AP3D1: variants seen among roughly 807,000 people sequenced by gnomAD.
The protein encoded by AP3D1 is AP-3 complex subunit delta-1.
In AP3D1, 51 loss-of-function variants were observed where a neutral mutation model predicts 147.6. The ratio of observed to expected loss-of-function variants is 0.35; its 90% CI spans 0.28 to 0.44. AP3D1 has a LOEUF of 0.44. Ranked by LOEUF, AP3D1 falls within the 20% of genes least tolerant of loss-of-function variation. The probability of loss-of-function intolerance (pLI) is 1.00; values close to 1 mark genes in which losing one functional copy is unlikely to be tolerated. For synonymous variants in AP3D1, 760 were observed against 663.0 expected (o/e 1.15, Z -2.25); for missense variants, 1,421 against 1,624.2 (o/e 0.87, Z 2.15).
At position 2,115,227 on chromosome 19, in the gene AP3D1, T is replaced by C. The variant is rs778526453; in HGVS notation, c.2341A>G (p.Met781Val). The change falls in exon 20 of 32, where the codon ATG (methionine) becomes GTG (valine). Residue 781 changes from methionine (M) to valine (V), a missense_variant. Physicochemically the swap from Met to Val is conservative, Grantham distance 21. Coordinates refer to ENST00000643116, the MANE Select transcript of AP3D1 (RefSeq NM_001261826.3). The part of the protein sequence containing the change: ...AQQVDIVTEE[M>V]PENALPSDED... ...CCTCCAGCGAGGCTGACCTCAGGCATCTCCTCTGTGACGATGTCCACCTGC... is the reference window on the plus strand; with the variant it reads ...CCTCCAGCGAGGCTGACCTCAGGCACCTCCTCTGTGACGATGTCCACCTGC... The C allele has an allele frequency of 5.0e-6, 8 of 1,612,882 alleles. No individual in the cohort carries two copies. The highest frequency in any genetic ancestry group is 2.2e-5 in the South Asian group (2 of 91,048).
chr19:2,144,368 G>A (rs1033722741), intron 1 of AP3D1, among the ~76,000 whole-genome samples: 8 of 152,186 alleles, frequency 5.3e-5, no homozygotes, highest in Non-Finnish European at 8.8e-5. Context: ...CAGAGCGGCC[G>A]CGGCCACCCT....
At chr19:2,120,785 C>A in intron 14 of AP3D1, 77 bp downstream of exon 14, 2 of 1,419,556 alleles carry the variant, frequency 1.4e-6, no homozygotes, top group South Asian at 1.2e-5. Flanking sequence ...TAGGAAGGAT[C>A]TGCCAGGCAC....
intron 31 of AP3D1, among the ~76,000 whole-genome samples, chr19:2,104,488 A>G (rs575494169): frequency 6.6e-6 from 1 of 150,458 alleles, no homozygotes; most frequent in East Asian, 2.0e-4. Context: ...CCAGACCCCA[A>G]CACCAAGACA....
At position 2,113,350 on chromosome 19, in the gene AP3D1, G is replaced by T; in HGVS notation, c.2665C>A (p.Pro889Thr). Residue 889 changes from proline (P) to threonine (T), a missense_variant, in exon 23 of 32, where the codon CCC becomes ACC. By Grantham distance (38) the Pro-to-Thr change is conservative (BLOSUM62 -1). Coordinates refer to ENST00000643116, the MANE Select transcript of AP3D1 (RefSeq NM_001261826.3). Reference protein sequence around the residue: ...PPPAPAPAPAPVPSTGELSVN... With the variant: ...PPPAPAPAPATVPSTGELSVN... ...CAGTCTCTTACCGTGGATGGAACGG[G>T]GGCGGGGGCGGGGGCGGGGGCAGGC... is the stretch of plus-strand genomic sequence containing the variant. 1 of 1,429,916 alleles carries T rather than the reference G, an allele frequency of 7.0e-7. No homozygotes were observed. The highest frequency in any genetic ancestry group is 9.3e-7 in the Non-Finnish European group (1 of 1,077,092). 88.6% of individuals were successfully genotyped at this position (1,429,916 alleles called of 1,614,324 possible).
chr19:2,149,370 C>T (rs1306277402), intron 1 of AP3D1, among the ~76,000 whole-genome samples: 1 of 152,008 alleles, frequency 6.6e-6, no homozygotes, highest in Non-Finnish European at 1.5e-5. Flanking sequence ...CATGGTGAAA[C>T]CCTGTCTCTA....
At chr19:2,150,603 C>T (rs2019479977) in intron 1 of AP3D1, among the ~76,000 whole-genome samples, 1 of 152,180 alleles carries the variant, frequency 6.6e-6, no homozygotes, top group African/African-American at 2.4e-5. Flanking sequence ...GCCCCACCTT[C>T]CTGGGAACGG....
chr19:2,142,158 C>A (rs191239639), intron 1 of AP3D1, among the ~76,000 whole-genome samples: 1 of 151,898 alleles, frequency 6.6e-6, no homozygotes, highest in Non-Finnish European at 1.5e-5. Context: ...GCTGGGGTTA[C>A]AAGCAGGTAC....
At chr19:2,140,929 T>C (rs1412220754) in intron 1 of AP3D1, among the ~76,000 whole-genome samples, 3 of 152,040 alleles carry the variant, frequency 2.0e-5, no homozygotes, top group African/African-American at 4.8e-5. Context: ...CAGCTAATTC[T>C]TGTATTTTTG....
chr19:2,151,191 G>A (rs760271058), intron 1 of AP3D1, 48 bp downstream of exon 1: 2 of 1,566,018 alleles, frequency 1.3e-6, no homozygotes, highest in East Asian at 2.3e-5. Flanking sequence ...TGGGCCCTGG[G>A]CCGGGGCTGT....
chr19:2,134,445 T>C (rs1170985222), intron 4 of AP3D1, among the ~76,000 whole-genome samples: 1 of 150,358 alleles, frequency 6.7e-6, no homozygotes, highest in East Asian at 2.0e-4. Context: ...AAGAAAATAA[T>C]TTTTTTTAGG....
chr19:2,157,356 G>C (rs2019654116), intron 1 of AP3D1, among the ~76,000 whole-genome samples: 1 of 149,038 alleles, frequency 6.7e-6, no homozygotes, highest in Non-Finnish European at 1.5e-5. Context: ...GCAGGAGAAT[G>C]GCGTGAACCC....
Position 2,111,132 on chromosome 19 carries a change from C to T in AP3D1, c.2985+153G>A, listed in dbSNP as rs76369653. 5,573 of 1,062,384 alleles carry T rather than the reference C, an allele frequency of 5.2e-3. 23 individuals carry two copies. Among genetic ancestry groups the T allele is most frequent in the Middle Eastern group, 0.022 (71 of 3,250 alleles). The allele number at this position is 1,062,384 out of a possible 1,614,324, so 65.8% of individuals were successfully genotyped here. ...GCATGTCTCCAACCTTACCCCAAGC[C>T]AGAGGTGCTGCCCAAGCAACGCCCC... is the stretch of plus-strand genomic sequence containing the variant. On this transcript the variant is annotated intron_variant, in intron 26 of 31. Transcript: ENST00000643116.
In AP3D1 at chr19:2,109,156, G is replaced by C. The variant is rs981391708; in HGVS notation, c.3402C>G (p.Ile1134Met). ...AGGACATCCGAATGCCATCGACTTTGATTGAGCTCATGCTCAAGTCCCCAG... is the reference window on the plus strand; with the variant it reads ...AGGACATCCGAATGCCATCGACTTTCATTGAGCTCATGCTCAAGTCCCCAG... Reference protein sequence around the residue: ...LESGDLSMSSIKVDGIRMSFQ... With the variant: ...LESGDLSMSSMKVDGIRMSFQ... The change falls in exon 30 of 32, where the codon ATC becomes ATG. Residue 1134 changes from isoleucine to methionine, a missense_variant. This residue lies in a region of AP3D1 where 791 missense variants were observed against 761.4 expected (regional missense o/e 1.04). Coordinates refer to ENST00000643116, the MANE Select transcript of AP3D1 (RefSeq NM_001261826.3). 6 of 1,610,346 alleles carry C rather than the reference G, an allele frequency of 3.7e-6. No individual in the cohort carries two copies. Among genetic ancestry groups the C allele is most frequent in the Middle Eastern group, 1.7e-4 (1 of 6,042 alleles).
At chr19:2,109,483 A>C in intron 29 of AP3D1, 3 of 498,710 alleles carry the variant, frequency 6.0e-6, no homozygotes, top group Non-Finnish European at 7.1e-6. Context: ...TCCTGTAGGA[A>C]GGGACTGGGG....
rs1036036095 is a variant in AP3D1, at chr19:2,111,425, C to G, written c.2938-93G>C. The G allele has an allele frequency of 6.7e-6, 10 of 1,491,550 alleles. No homozygotes were observed. The South Asian group carries it at 1.2e-4, about 17-fold the overall frequency. 92.4% of individuals were successfully genotyped at this position (1,491,550 alleles called of 1,614,324 possible). ...GCCCAATACCCCAGGTCGAATGCCA[C>G]GACTCCAAGAATGCTTGGGGCAAGG... is the stretch of plus-strand genomic sequence containing the variant. On this transcript the variant is annotated intron_variant, in intron 25 of 31. Transcript: ENST00000643116.
Position 2,129,525 on chromosome 19 carries a change from T to C in AP3D1, c.593-68A>G, listed in dbSNP as rs1351649215. 2.6e-6 allele frequency: 4 copies of C among 1,542,668 alleles called. No homozygotes were observed. The African/African-American group carries it at 4.1e-5, about 16-fold the overall frequency. On this transcript the variant is annotated intron_variant, in intron 6 of 31. Coordinates refer to ENST00000643116, the MANE Select transcript of AP3D1 (RefSeq NM_001261826.3). ...CTAGAAAACCATCCTACTGTCTTCCTGGCCCGCGAGGAAGTTCTGGGGCCT... is the reference window on the plus strand; with the variant it reads ...CTAGAAAACCATCCTACTGTCTTCCCGGCCCGCGAGGAAGTTCTGGGGCCT...
At chr19:2,159,706 T>A (rs532816588) in intron 1 of AP3D1, among the ~76,000 whole-genome samples, 197 of 130,266 alleles carry the variant, frequency 1.5e-3, no homozygotes, top group Middle Eastern at 5.4e-3. Context: ...AATTTTTGTA[T>A]TTTTTTTTTT....
chr19:2,110,643 A>T, intron 27 of AP3D1, 64 bp downstream of exon 27: 2 of 1,461,178 alleles, frequency 1.4e-6, no homozygotes, highest in Non-Finnish European at 1.8e-6. Flanking sequence ...GGATCCGGGC[A>T]GTCACCAGCT....
intron 1 of AP3D1, among the ~76,000 whole-genome samples, chr19:2,139,118 C>G (rs532869242): frequency 1.3e-5 from 2 of 149,828 alleles, no homozygotes; most frequent in Non-Finnish European, 3.0e-5. Context: ...GAGAGCACAC[C>G]GTGTAATCCA....
Sources: gnomAD v4.1 joint callset for allele counts (sites outside exome capture counted in the v4.1 genomes callset) on GRCh38, gnomAD v4.1.1 for gene constraint, gnomAD v4.1.1 regional missense constraint, MANE v1.5 for transcripts, NCBI Gene and HGNC (gene_info 2026-07-23, HGNC 2026-07-21) for gene names.